Variants in DMD observed in about 807,000 individuals in gnomAD.
DMD encodes the protein mutant dystrophin.
In DMD, 63 loss-of-function variants were observed where a neutral mutation model predicts 330.1. The observed-to-expected ratio is 0.19, with a 90% CI of 0.16 to 0.24. The LOEUF is 0.24. DMD is among the 10% of genes least tolerant of loss of function. The pLI is 1.00. For missense variants in DMD, 3,344 were observed against 2,684.1 expected (o/e 1.25, Z -5.43); for synonymous variants, 1,223 against 959.8 (o/e 1.27, Z -5.07).
At position 32,149,706 on chromosome X, in the gene DMD, C is replaced by T. The variant is rs1367148499; in HGVS notation, c.6438+67210G>A. ...GTCTTATATTGGCCATCTACTAAGA[C>T]AGTTTGGAAACTTTATCAATAAAGT... is the stretch of plus-strand genomic sequence containing the variant. On this transcript the variant is annotated intron_variant, in intron 44 of 78. Transcript: ENST00000357033. Among the ~76,000 whole-genome samples the T allele has an allele frequency of 2.7e-5, 3 of 111,513 alleles. No homozygotes were observed. In the East Asian group the frequency reaches 8.5e-4, roughly 31 times the overall value.
intron 45 of DMD, among the ~76,000 whole-genome samples, chrX:31,951,122 C>CATATATATATATATATAT (rs767693982): frequency 1.5e-5 from 1 of 65,371 alleles, no homozygotes; most frequent in African/African-American, 6.9e-5. Context: ...TATATATATA[C>CATATATATATATATATAT]ATATATATAT....
chrX:32,013,275 T>G lies in DMD; in HGVS notation c.6439-44761A>C, dbSNP rs191579860. Among the ~76,000 whole-genome samples the G allele has an allele frequency of 3.6e-3, 395 of 108,799 alleles. 2 individuals are homozygous for G. Among genetic ancestry groups the G allele is most frequent in the Non-Finnish European group, 5.2e-3 (272 of 52,510 alleles). 94.5% of individuals were successfully genotyped at this position (108,799 alleles called of 115,157 possible). A position where few individuals can be genotyped will look rare whatever the true frequency, so the allele number is the denominator to read the frequency against. On this transcript the variant is annotated intron_variant, in intron 44 of 78. Transcript: ENST00000357033. Reference sequence around the variant, plus strand: ...CTAATTTTTGTATATTTAGTAGAGATAGAGTTTCACCATGTTGGCCAGGAT... The same window carrying G: ...CTAATTTTTGTATATTTAGTAGAGAGAGAGTTTCACCATGTTGGCCAGGAT...
At chrX:33,301,382 AT>A (rs11295172) in intron 1 of DMD, among the ~76,000 whole-genome samples, 21,400 of 109,589 alleles carry the variant, frequency 0.2, 1,579 homozygotes, top group Admixed American at 0.26. Flanking sequence ...TTCATGGTAT[AT>A]TTTTTTTTAA....
intron 59 of DMD, among the ~76,000 whole-genome samples, chrX:31,446,125 C>T (rs73617087): frequency 0.037 from 4,178 of 111,970 alleles, 105 homozygotes; most frequent in African/African-American, 0.072. Context: ...AAAATAAGAA[C>T]GACATTATCC....
chrX:33,086,411 T>G (rs1311218974), intron 1 of DMD, among the ~76,000 whole-genome samples: 1 of 111,696 alleles, frequency 9.0e-6, no homozygotes, highest in Non-Finnish European at 1.9e-5. Context: ...CAAAAACTAA[T>G]TATAAGGTAG....
At chrX:31,825,893 A>T (rs2092884330) in intron 49 of DMD, among the ~76,000 whole-genome samples, 1 of 111,666 alleles carries the variant, frequency 9.0e-6, no homozygotes, top group African/African-American at 3.2e-5. Context: ...ATACCACCTA[A>T]CTCATAGCTT....
At position 32,738,453 on chromosome X, in the gene DMD, T is replaced by G. The variant is rs1021066309; in HGVS notation, c.650-39160A>C. 2.7e-5 allele frequency among the ~76,000 whole-genome samples: 3 copies of G among 111,891 alleles called. No individual in the cohort carries two copies. The East Asian group carries it at 8.5e-4, about 32-fold the overall frequency. On this transcript the variant is annotated intron_variant, in intron 7 of 78. Transcript: ENST00000357033. ...TCAACAGTTTGCTTCTACATTTTAA[T>G]GTACATGTGAAGTTCCTAGCCCTTA...
chrX:32,706,148 T>A (rs1199646100), intron 7 of DMD, among the ~76,000 whole-genome samples: 1 of 97,446 alleles, frequency 1.0e-5, no homozygotes, highest in Non-Finnish European at 2.0e-5. Context: ...ACACTGCATG[T>A]TCTCACTCAG....
chrX:31,740,317 A>T (rs946944905), intron 51 of DMD, among the ~76,000 whole-genome samples: 17 of 112,297 alleles, frequency 1.5e-4, no homozygotes, highest in African/African-American at 5.2e-4. Flanking sequence ...AACAAAGGAT[A>T]ATCAAGACAG....
intron 55 of DMD, among the ~76,000 whole-genome samples, chrX:31,569,107 G>C (rs2075619673): frequency 9.0e-6 from 1 of 110,944 alleles, no homozygotes; most frequent in South Asian, 3.8e-4. Flanking sequence ...TGGTGTTAAA[G>C]TTTTCACTTC....
At chrX:32,782,775 A>G (rs926082000) in intron 7 of DMD, among the ~76,000 whole-genome samples, 4 of 109,954 alleles carry the variant, frequency 3.6e-5, no homozygotes, top group African/African-American at 1.3e-4. Flanking sequence ...TTATAACTCA[A>G]AGGATAAATG....
intron 44 of DMD, among the ~76,000 whole-genome samples, chrX:32,169,347 T>C (rs778338838): frequency 3.6e-4 from 40 of 112,050 alleles, no homozygotes; most frequent in Admixed American, 4.7e-4. Flanking sequence ...GCATTATATA[T>C]ATTTCTCATC....
At chrX:31,688,696 T>A (rs1427252621) in intron 52 of DMD, among the ~76,000 whole-genome samples, 1 of 111,402 alleles carries the variant, frequency 9.0e-6, no homozygotes, top group African/African-American at 3.3e-5. Context: ...ATATCCCTGA[T>A]GAACATCGAT....
chrX:32,521,777 A>G (rs950726016), intron 17 of DMD, among the ~76,000 whole-genome samples: 1 of 111,924 alleles, frequency 8.9e-6, no homozygotes, highest in South Asian at 3.7e-4. Context: ...TGTTATCTTC[A>G]TCTCCGCTAT....
chrX:32,841,638 CAAATA>C (rs2080169844), intron 4 of DMD, among the ~76,000 whole-genome samples: 1 of 111,610 alleles, frequency 9.0e-6, no homozygotes, highest in Admixed American at 9.5e-5. Flanking sequence ...AATTAGACTT[CAAATA>C]AAATAAATAC....
intron 44 of DMD, among the ~76,000 whole-genome samples, chrX:31,983,543 AG>A (rs1050231978): frequency 4.8e-4 from 54 of 111,590 alleles, no homozygotes; most frequent in African/African-American, 1.8e-3. Context: ...GAAATTTGTA[AG>A]GAAAAAAAAG....
At chrX:33,055,096 A>G (rs1160657679) in intron 1 of DMD, among the ~76,000 whole-genome samples, 2 of 111,838 alleles carry the variant, frequency 1.8e-5, no homozygotes, top group Non-Finnish European at 3.8e-5. Context: ...ATTGAAGCTC[A>G]ACGTTAAAAG....
intron 44 of DMD, among the ~76,000 whole-genome samples, chrX:32,057,463 T>C (rs1345211893): frequency 9.0e-6 from 1 of 111,130 alleles, no homozygotes; most frequent in Non-Finnish European, 1.9e-5. Flanking sequence ...GTTGCGTTTC[T>C]ATACGCTAGC....
chrX:33,093,529 G>T (rs748109441), intron 1 of DMD, among the ~76,000 whole-genome samples: 1 of 111,618 alleles, frequency 9.0e-6, no homozygotes, highest in Non-Finnish European at 1.9e-5. Context: ...TACATATTTG[G>T]CTCTAGTCAA....
Sources: allele counts gnomAD v4.1 joint callset (sites outside exome capture counted in the v4.1 genomes callset), GRCh38; gene constraint gnomAD v4.1.1; transcripts MANE v1.5; gene names NCBI Gene and HGNC (gene_info 2026-07-23, HGNC 2026-07-21).